The following BTBD3 variants were observed in gnomAD, a reference collection of about 807,000 sequenced individuals.
BTBD3 encodes BTB domain containing 3, also known as BTB/POZ domain-containing protein 3.
BTBD3 carries 14 observed loss-of-function variants against 41.6 expected under a neutral mutation model. The observed-to-expected ratio is 0.34, with a 90% CI of 0.22 to 0.53. BTBD3 has a LOEUF of 0.53. Ranked by LOEUF, BTBD3 falls within the 20% of genes least tolerant of loss-of-function variation. The pLI is 0.95. For synonymous variants in BTBD3, 249 were observed against 233.7 expected, an observed-to-expected ratio of 1.07 and a Z score of -0.60; for missense variants, 426 against 654.7, an observed-to-expected ratio of 0.65 and a Z score of 3.81.
At chr20:11,897,082 G>C (rs1486778290) in intron 1 of BTBD3, among the ~76,000 whole-genome samples, 1 of 152,014 alleles carries the variant, frequency 6.6e-6, no homozygotes, top group Non-Finnish European at 1.5e-5. Context: ...CTGGCCTTCT[G>C]GTTTCTTTTC....
upstream of BTBD3, among the ~76,000 whole-genome samples, chr20:11,917,455 T>C (rs2056926032): frequency 6.6e-6 from 1 of 152,238 alleles, no homozygotes; most frequent in Admixed American, 6.5e-5. Context: ...GTCCTTTGCC[T>C]TTAAAGTGTA....
At chr20:11,905,429 G>C (rs2056847520) in intron 1 of BTBD3, among the ~76,000 whole-genome samples, 1 of 152,140 alleles carries the variant, frequency 6.6e-6, no homozygotes, top group African/African-American at 2.4e-5. Flanking sequence ...TTTTAAAAGT[G>C]TTTACTCAAC....
chr20:11,919,962 A>T, intron 3 of BTBD3, 126 bp downstream of exon 3: 1 of 810,564 alleles, frequency 1.2e-6, no homozygotes, highest in Non-Finnish European at 2.1e-6. Flanking sequence ...GGTGCTGCTT[A>T]CCTTGTAAAT....
chr20:11,900,075 A>G (rs1273875618), intron 1 of BTBD3, among the ~76,000 whole-genome samples: 6 of 152,208 alleles, frequency 3.9e-5, no homozygotes, highest in South Asian at 4.1e-4. Context: ...AGCATTCCCC[A>G]TATTTAATTA....
intron 1 of BTBD3, among the ~76,000 whole-genome samples, chr20:11,906,654 ATTC>A (rs1397102327): frequency 6.6e-6 from 1 of 152,180 alleles, no homozygotes; most frequent in Admixed American, 6.5e-5. Context: ...TACTTGCCTG[ATTC>A]TTCTTAGTGA....
chr20:11,912,390 A>C (rs1288534195), intron 1 of BTBD3, among the ~76,000 whole-genome samples: 5 of 152,206 alleles, frequency 3.3e-5, no homozygotes, highest in African/African-American at 1.2e-4. Flanking sequence ...TGGAAATAAC[A>C]CTGTGGGATT....
At chr20:11,893,616 G>A (rs1253804683) in intron 1 of BTBD3, among the ~76,000 whole-genome samples, 1 of 152,176 alleles carries the variant, frequency 6.6e-6, no homozygotes, top group Non-Finnish European at 1.5e-5. Context: ...TTATCGACAT[G>A]TCCTTTGTTT....
chr20:11,925,321 C>G lies in BTBD3; in HGVS notation c.*1655C>G, dbSNP rs1166393747. 3 of 152,676 alleles carry G rather than the reference C, an allele frequency of 2.0e-5. No homozygotes were observed. The highest frequency in any genetic ancestry group is 4.8e-5 in the African/African-American group (2 of 41,452). The allele number at this position is 152,676 out of a possible 1,614,324, so 9.5% of individuals were successfully genotyped here. ...GTCCTCCTGCTGGCCCCAGCAAGGCCCATGAGTGACTGCCCTGACGTATTC... is the reference window on the plus strand; with the variant it reads ...GTCCTCCTGCTGGCCCCAGCAAGGCGCATGAGTGACTGCCCTGACGTATTC... On this transcript the variant is annotated 3_prime_UTR_variant, in exon 4 of 4. Transcript: ENST00000378226.
At chr20:11,911,508 G>C (rs1265284858) in intron 1 of BTBD3, among the ~76,000 whole-genome samples, 3 of 152,140 alleles carry the variant, frequency 2.0e-5, no homozygotes, top group Non-Finnish European at 4.4e-5. Context: ...GGCCATGTTG[G>C]AAGAATTGTC....
intron 2 of BTBD3, 104 bp from the exon 3 acceptor site, chr20:11,919,614 C>T (rs746183579): frequency 8.6e-6 from 11 of 1,279,634 alleles, no homozygotes; most frequent in East Asian, 2.3e-5. Flanking sequence ...ATTTTAGGTA[C>T]GCTATGTTTA....
In BTBD3 at chr20:11,924,997, G is replaced by C. The variant is rs2122354126; in HGVS notation, c.*1331G>C. ...TTCTCCTTCGCTGCTGGCTTGTGCT[G>C]GTTTAGTGCCTGTGTCCCTGGCAGT... is the stretch of plus-strand genomic sequence containing the variant. On this transcript the variant is annotated 3_prime_UTR_variant, in exon 4 of 4. Coordinates refer to ENST00000378226, the MANE Select transcript of BTBD3 (RefSeq NM_014962.4). The C allele has an allele frequency of 6.5e-6, 1 of 152,820 alleles. No individual in the cohort carries two copies. Among genetic ancestry groups the C allele is most frequent in the South Asian group, 2.1e-4 (1 of 4,822 alleles). The allele number at this position is 152,820 out of a possible 1,614,324, so 9.5% of individuals were successfully genotyped here.
chr20:11,906,253 C>CATTTTT (rs1568610658), intron 1 of BTBD3, among the ~76,000 whole-genome samples: 1 of 37,348 alleles, frequency 2.7e-5, no homozygotes, highest in African/African-American at 8.1e-5. Context: ...TATTATTACT[C>CATTTTT]CTTTTTTTTT....
At chr20:11,891,069 G>C (rs1339352445) in intron 1 of BTBD3, 3 of 731,734 alleles carry the variant, frequency 4.1e-6, no homozygotes, top group Non-Finnish European at 5.0e-6. Flanking sequence ...GCGAAGCGAG[G>C]AGAGGCCGGG....
At chr20:11,915,304 T>G (rs1172352342), upstream of BTBD3, among the ~76,000 whole-genome samples, 3 of 152,162 alleles carry the variant, frequency 2.0e-5, no homozygotes, top group African/African-American at 7.2e-5. Flanking sequence ...AATTTGACAT[T>G]TGGGGCCTAA....
intron 2 of BTBD3, chr20:11,919,466 A>T: frequency 7.2e-7 from 1 of 1,380,200 alleles, no homozygotes; most frequent in Non-Finnish European, 9.4e-7. Flanking sequence ...GAAATTAGTT[A>T]TGTAAGCTAT....
chr20:11,892,832 A>T (rs2056764116), intron 1 of BTBD3, among the ~76,000 whole-genome samples: 1 of 152,196 alleles, frequency 6.6e-6, no homozygotes, highest in African/African-American at 2.4e-5. Context: ...TTTAAAAAAA[A>T]TATAACTCCA....
intron 1 of BTBD3, among the ~76,000 whole-genome samples, chr20:11,896,235 T>G (rs2122169149): frequency 6.6e-6 from 1 of 152,326 alleles, no homozygotes; most frequent in South Asian, 2.1e-4. Flanking sequence ...TCCTAATGTT[T>G]CCTGTTAGAG....
At chr20:11,912,860 T>G (rs1056728254) in intron 1 of BTBD3, among the ~76,000 whole-genome samples, 1 of 152,206 alleles carries the variant, frequency 6.6e-6, no homozygotes, top group Non-Finnish European at 1.5e-5. Context: ...ATGCTATGCT[T>G]CCAGCGCTTG....
At chr20:11,899,708 G>C (rs2056812387) in intron 1 of BTBD3, among the ~76,000 whole-genome samples, 1 of 151,976 alleles carries the variant, frequency 6.6e-6, no homozygotes, top group African/African-American at 2.4e-5. Flanking sequence ...CTCCTTTTGT[G>C]TCCTTCAAAT....
Sources: allele counts gnomAD v4.1 joint callset (sites outside exome capture counted in the v4.1 genomes callset), GRCh38; gene constraint gnomAD v4.1.1; transcripts MANE v1.5; gene names NCBI Gene and HGNC (gene_info 2026-07-23, HGNC 2026-07-21).